Variants in REC114 observed in about 807,000 individuals in gnomAD.
The protein encoded by REC114 is REC114 meiotic recombination protein.
A neutral mutation model predicts 31.3 loss-of-function variants in REC114; 27 were observed. The ratio of observed to expected loss-of-function variants is 0.86; its 90% CI spans 0.64 to 1.19. The LOEUF (loss-of-function observed/expected upper bound fraction) is 1.19. Ranked by LOEUF, REC114 falls within the 50% of genes most tolerant of loss-of-function variation. The pLI is 0.00. For missense variants in REC114, 344 were observed against 326.9 expected (o/e 1.05, Z -0.40); for synonymous variants, 134 against 127.7 (o/e 1.05, Z -0.33).
intron 3 of REC114, among the ~76,000 whole-genome samples, chr15:73,545,802 T>C (rs1471444058): frequency 1.3e-5 from 2 of 152,188 alleles, no homozygotes; most frequent in African/African-American, 4.8e-5. Context: ...TTTTTAAAGC[T>C]AGCTATGAAA....
intron 2 of REC114, among the ~76,000 whole-genome samples, chr15:73,500,245 T>G (rs1893585505): frequency 6.6e-6 from 1 of 151,794 alleles, no homozygotes; most frequent in African/African-American, 2.4e-5. Context: ...ATGCCTAGCA[T>G]AGATGCCAAC....
intron 2 of REC114, among the ~76,000 whole-genome samples, chr15:73,489,163 A>G (rs1271277940): frequency 6.6e-6 from 1 of 151,244 alleles, no homozygotes; most frequent in Non-Finnish European, 1.5e-5. Context: ...GAAGAGCAGA[A>G]GACAGTGAAC....
At chr15:73,552,622 T>C (rs1351445686) in intron 4 of REC114, among the ~76,000 whole-genome samples, 1 of 152,204 alleles carries the variant, frequency 6.6e-6, no homozygotes, top group Non-Finnish European at 1.5e-5. Flanking sequence ...CCCAGAAATA[T>C]GTGTTCTGCA....
chr15:73,488,113 G>A (rs74022999), intron 2 of REC114, among the ~76,000 whole-genome samples: 6,991 of 152,236 alleles, frequency 0.046, 257 homozygotes, highest in African/African-American at 0.11. Context: ...ACTTGAGGCA[G>A]CCTGGAGCAG....
At chr15:73,454,117 TAAAG>T (rs1473071601) in intron 1 of REC114, among the ~76,000 whole-genome samples, 4 of 151,610 alleles carry the variant, frequency 2.6e-5, no homozygotes, top group East Asian at 3.9e-4. Flanking sequence ...TAAAGTATAA[TAAAG>T]AAAACACAAA....
rs114015164 is a variant in REC114, at chr15:73,503,453, A to T, written c.249+29532A>T. Among the ~76,000 whole-genome samples the T allele has an allele frequency of 2.3e-3, 352 of 152,336 alleles. 1 individual carries two copies. The highest frequency in any genetic ancestry group is 8.2e-3 in the African/African-American group (341 of 41,578). ...ATGTAACTGAAATATTTACAGGAAA[A>T]AAAAGTGATACAATACCTGGGATTT... On this transcript the variant is annotated intron_variant, in intron 2 of 5. Transcript: ENST00000331090.
chr15:73,506,915 A>G (rs1412529178), intron 2 of REC114, among the ~76,000 whole-genome samples: 1 of 152,238 alleles, frequency 6.6e-6, no homozygotes, highest in Non-Finnish European at 1.5e-5. Flanking sequence ...TATATCAAAT[A>G]AAATCCATAG....
intron 5 of REC114, among the ~76,000 whole-genome samples, chr15:73,558,292 A>G (rs1424415973): frequency 2.0e-5 from 3 of 152,214 alleles, no homozygotes; most frequent in African/African-American, 7.2e-5. Context: ...CACGTAAAGA[A>G]TAAAACCACC....
chr15:73,517,260 C>A (rs1893870403), intron 2 of REC114, among the ~76,000 whole-genome samples: 1 of 152,086 alleles, frequency 6.6e-6, no homozygotes, highest in South Asian at 2.1e-4. Flanking sequence ...TTGAAGAATT[C>A]TAAGCAAGGG....
At chr15:73,447,792 C>A (rs1416384968) in intron 1 of REC114, among the ~76,000 whole-genome samples, 1 of 152,078 alleles carries the variant, frequency 6.6e-6, no homozygotes, top group Non-Finnish European at 1.5e-5. Context: ...ACTGAGGTAC[C>A]TGGTTCATCT....
intron 2 of REC114, among the ~76,000 whole-genome samples, chr15:73,530,537 A>G (rs1041558328): frequency 6.6e-6 from 1 of 152,152 alleles, no homozygotes; most frequent in Non-Finnish European, 1.5e-5. Context: ...GGTCCCAGCT[A>G]TTCAGGAGGC....
chr15:73,461,050 T>G (rs1892982014), intron 1 of REC114, among the ~76,000 whole-genome samples: 1 of 152,192 alleles, frequency 6.6e-6, no homozygotes, highest in Non-Finnish European at 1.5e-5. Flanking sequence ...CTTTGATACA[T>G]GAGATAATTT....
chr15:73,481,658 T>TC (rs1236000312), intron 2 of REC114, among the ~76,000 whole-genome samples: 1 of 116,618 alleles, frequency 8.6e-6, no homozygotes, highest in East Asian at 2.3e-4. Flanking sequence ...CCCTTTTTTT[T>TC]TTTTTTTTTT....
intron 3 of REC114, among the ~76,000 whole-genome samples, chr15:73,542,961 T>TTA (rs1555404583): frequency 0.03 from 4,530 of 150,978 alleles, 97 homozygotes; most frequent in African/African-American, 0.06. Context: ...TTTTTTTTTT[T>TTA]TATATAAATT....
intron 2 of REC114, among the ~76,000 whole-genome samples, chr15:73,486,331 C>G (rs1024447987): frequency 6.6e-6 from 1 of 152,066 alleles, no homozygotes; most frequent in Non-Finnish European, 1.5e-5. Flanking sequence ...CTCCTGACCG[C>G]GTGATCTGCC....
chr15:73,514,029 C>T (rs1389504516), intron 2 of REC114, among the ~76,000 whole-genome samples: 1 of 151,998 alleles, frequency 6.6e-6, no homozygotes, highest in Non-Finnish European at 1.5e-5. Flanking sequence ...CAATGGCGGG[C>T]GCCCCTCCCC....
chr15:73,526,500 A>G (rs1278172336), intron 2 of REC114, among the ~76,000 whole-genome samples: 1 of 152,102 alleles, frequency 6.6e-6, no homozygotes, highest in Non-Finnish European at 1.5e-5. Context: ...TGGCTGTTGT[A>G]GGGTTTACAA....
At chr15:73,545,546 T>G (rs1894296830) in intron 3 of REC114, among the ~76,000 whole-genome samples, 2 of 152,196 alleles carry the variant, frequency 1.3e-5, no homozygotes, top group Admixed American at 6.5e-5. Context: ...TGAAGTGGTA[T>G]TTCTGGCTTT....
intron 1 of REC114, among the ~76,000 whole-genome samples, chr15:73,455,001 CAA>C (rs1326256186): frequency 2.0e-5 from 3 of 152,164 alleles, no homozygotes; most frequent in East Asian, 3.8e-4. Flanking sequence ...GCTACAGTGA[CAA>C]GAGATGAGGT....
Sources: gnomAD v4.1 joint callset for allele counts (sites outside exome capture counted in the v4.1 genomes callset) on GRCh38, gnomAD v4.1.1 for gene constraint, MANE v1.5 for transcripts, NCBI Gene and HGNC (gene_info 2026-07-23, HGNC 2026-07-21) for gene names.